The following FMR1 variants were observed in gnomAD, a reference collection of about 807,000 sequenced individuals.
FMR1 encodes the protein fragile X messenger ribonucleoprotein 1.
FMR1 carries 13 observed loss-of-function variants against 50.6 expected under a neutral mutation model. The observed-to-expected ratio is 0.26, with a 90% CI of 0.17 to 0.41. The LOEUF (loss-of-function observed/expected upper bound fraction) is 0.41. Ranked by LOEUF, FMR1 falls within the 10% of genes least tolerant of loss-of-function variation. The pLI is 1.00. For synonymous variants in FMR1, 138 were observed against 164.1 expected (o/e 0.84, Z 1.22); for missense variants, 316 against 491.3 (o/e 0.64, Z 3.37).
At position 147,945,004 on chromosome X, in the gene FMR1, G is replaced by A. The variant is rs1242465710; in HGVS notation, c.1607G>A (p.Gly536Glu). 1 of 1,195,203 alleles carries A rather than the reference G, an allele frequency of 8.4e-7. No homozygotes were observed. Among genetic ancestry groups the A allele is most frequent in the African/African-American group, 1.8e-5 (1 of 56,351 alleles). ...LRRGDGRRRG[G>E]GGRGQGGRGR... ...AGAGGAGACGGACGGCGGCGTGGAG[G>A]GGGAGGAAGAGGACAAGGAGGAAGA... is the stretch of plus-strand genomic sequence containing the variant. Residue 536 changes from glycine to glutamate, a missense_variant, in exon 15 of 17, where the codon GGG (glycine) becomes GAG (glutamate). Coordinates refer to ENST00000370475, the MANE Select transcript of FMR1 (RefSeq NM_002024.6).
chrX:147,945,778 T>C, intron 16 of FMR1, 162 bp downstream of exon 16: 3 of 473,884 alleles, frequency 6.3e-6, no homozygotes, highest in Non-Finnish European at 1.1e-5. Context: ...CTTAGTTCTT[T>C]GTGACAAGTA....
Position 147,912,084 on chromosome X carries a change from C to CGGCGGCGGCGGCGGCGGCGGAGGCGGA in FMR1, c.-76_-75insAGGCGGAGGCGGCGGCGGCGGCGGCGG. On this transcript the variant is annotated 5_prime_UTR_variant, in exon 1 of 17. Transcript: ENST00000370475. ...GCGGCGGCGGCGGCGGCGGCGGAGG[C>CGGCGGCGGCGGCGGCGGCGGAGGCGGA]GGCGGCGGCGGCGGCGGCGGCGGCG... 1 of 366,424 alleles carries CGGCGGCGGCGGCGGCGGCGGAGGCGGA rather than the reference C, an allele frequency of 2.7e-6. No individual in the cohort carries two copies. The highest frequency in any genetic ancestry group is 3.5e-6 in the Non-Finnish European group (1 of 287,337). 30.2% of individuals were successfully genotyped at this position (366,424 alleles called of 1,213,427 possible). A position where few individuals can be genotyped will look rare whatever the true frequency, so the allele number is the denominator to read the frequency against.
Position 147,950,954 on chromosome X carries a change from T to C in FMR1, c.*2110T>C. On this transcript the variant is annotated 3_prime_UTR_variant, in exon 17 of 17. Coordinates refer to ENST00000370475, the MANE Select transcript of FMR1 (RefSeq NM_002024.6). Reference sequence around the variant, plus strand: ...AAACTGTACTTTGATTCACATGTTTTCAAATGGAGTTGGAGTTCATTCATA... The same window carrying C: ...AAACTGTACTTTGATTCACATGTTTCCAAATGGAGTTGGAGTTCATTCATA... 3.6e-6 allele frequency: 1 copy of C among 275,611 alleles called. No homozygotes were observed. Among genetic ancestry groups the C allele is most frequent in the Non-Finnish European group, 6.8e-6 (1 of 146,109 alleles). The allele number at this position is 275,611 out of a possible 1,213,427, so 22.7% of individuals were successfully genotyped here.
At chrX:147,948,196 A>G (rs1278897726) in intron 16 of FMR1, among the ~76,000 whole-genome samples, 3 of 112,444 alleles carry the variant, frequency 2.7e-5, no homozygotes, top group South Asian at 7.3e-4. Context: ...CATACCTGTG[A>G]TAGATATAAA....
chrX:147,938,415 T>C (rs979847770), intron 12 of FMR1, among the ~76,000 whole-genome samples: 3 of 111,986 alleles, frequency 2.7e-5, no homozygotes, highest in African/African-American at 9.8e-5. Context: ...TAAGCCATAC[T>C]GAAGTACTTT....
At chrX:147,938,773 A>G (rs1397151691) in intron 12 of FMR1, among the ~76,000 whole-genome samples, 2 of 112,126 alleles carry the variant, frequency 1.8e-5, no homozygotes, top group Non-Finnish European at 3.8e-5. Flanking sequence ...GCCATTTTAC[A>G]AAGAGGACTA....
intron 1 of FMR1, among the ~76,000 whole-genome samples, chrX:147,917,907 A>G (rs1805423): frequency 0.04 from 4,451 of 111,442 alleles, 105 homozygotes; most frequent in Non-Finnish European, 0.062. Flanking sequence ...GTTAACCACT[A>G]AGTACACTGA....
chrX:147,943,866 C>G (rs1244949254), intron 14 of FMR1: 1 of 114,433 alleles, frequency 8.7e-6, no homozygotes, highest in Non-Finnish European at 1.8e-5. Context: ...TGATCCCCAC[C>G]TGCCAGTGCC....
intron 2 of FMR1, 149 bp from the exon 3 acceptor site, chrX:147,925,391 C>T (rs2043351120): frequency 5.9e-6 from 3 of 512,053 alleles, no homozygotes; most frequent in South Asian, 5.4e-5. Flanking sequence ...TTATGTCCCA[C>T]TCAGCAAAAA....
rs782678826 is a variant in FMR1, at chrX:147,948,799, A to G, written c.1854A>G (p.Pro618=). 4 of 1,211,683 alleles carry G rather than the reference A, an allele frequency of 3.3e-6. No individual in the cohort carries two copies. In the Admixed American group the frequency reaches 8.7e-5, roughly 26 times the overall value. The change falls in exon 17 of 17, where the codon CCA becomes CCG. Residue 618 remains proline (P), a synonymous_variant. Transcript: ENST00000370475. ...ATCGTAACCAGAAGAAAGAGAAGCC[A>G]GACAGCGTGGATGGTCAGCAACCAC... The part of the protein sequence containing the change: ...GKDRNQKKEK[P]DSVDGQQPLV...
chrX:147,944,149 C>T (rs183534765), intron 14 of FMR1: 1 of 752,143 alleles, frequency 1.3e-6, no homozygotes, highest in East Asian at 1.5e-4. Flanking sequence ...AACCCCTCTC[C>T]CAACAGTCTG....
chrX:147,928,610 T>C, intron 4 of FMR1, 49 bp from the exon 5 acceptor site: 1 of 1,107,512 alleles, frequency 9.0e-7, no homozygotes, highest in Non-Finnish European at 1.2e-6. Flanking sequence ...GAACTTCTTA[T>C]TCTTACTTTA....
intron 9 of FMR1, among the ~76,000 whole-genome samples, chrX:147,934,118 C>G (rs1447784358): frequency 9.0e-6 from 1 of 111,184 alleles, no homozygotes; most frequent in Non-Finnish European, 1.9e-5. Flanking sequence ...TTCTTTACAG[C>G]TTGTCAAGCA....
chrX:147,917,863 G>C (rs928320908), intron 1 of FMR1, among the ~76,000 whole-genome samples: 4 of 111,588 alleles, frequency 3.6e-5, no homozygotes, highest in Non-Finnish European at 7.5e-5. Flanking sequence ...TTAGAGCCAA[G>C]ATTTTGAACG....
At chrX:147,924,344 G>A (rs184830498) in intron 2 of FMR1, among the ~76,000 whole-genome samples, 115 of 109,578 alleles carry the variant, frequency 1.0e-3, no homozygotes, top group Non-Finnish European at 1.9e-3. Context: ...GTAAAACATC[G>A]ACATTATACA....
At chrX:147,930,436 G>A (rs1336087476) in intron 7 of FMR1, among the ~76,000 whole-genome samples, 192 bp downstream of exon 7, 2 of 111,838 alleles carry the variant, frequency 1.8e-5, no homozygotes, top group Admixed American at 9.5e-5. Flanking sequence ...AAATTAAACA[G>A]CAGCTTATGT....
Position 147,945,070 on chromosome X carries a change from A to G in FMR1, c.1654+19A>G. 6.8e-6 allele frequency: 8 copies of G among 1,168,153 alleles called. No homozygotes were observed. The highest frequency in any genetic ancestry group is 1.9e-5 in the South Asian group (1 of 52,770). The stretch of plus-strand genomic sequence containing the variant: ...TTCAAAGGTATGGAGATCTTCATTA[A>G]GAAATCAAAGTGAATTGTAACAGCT... On this transcript the variant is annotated intron_variant, in intron 15 of 16. Transcript: ENST00000370475.
At chrX:147,936,247 T>A (rs916617386) in intron 9 of FMR1, among the ~76,000 whole-genome samples, 1 of 112,037 alleles carries the variant, frequency 8.9e-6, no homozygotes, top group South Asian at 3.7e-4. Flanking sequence ...AAAATTACCC[T>A]ATCAGTTTGC....
intron 10 of FMR1, among the ~76,000 whole-genome samples, chrX:147,936,888 G>A (rs934442981): frequency 9.0e-6 from 1 of 111,409 alleles, no homozygotes; most frequent in African/African-American, 3.3e-5. Context: ...TCACTGGGTC[G>A]AGTGTTAATG....
Sources: gnomAD v4.1 joint callset for allele counts (sites outside exome capture counted in the v4.1 genomes callset) on GRCh38, gnomAD v4.1.1 for gene constraint, MANE v1.5 for transcripts, NCBI Gene and HGNC (gene_info 2026-07-23, HGNC 2026-07-21) for gene names.